Variants in OTOA observed in about 807,000 individuals in gnomAD.
OTOA encodes the protein otoancorin.
In OTOA, 70 loss-of-function variants were observed where a neutral mutation model predicts 110.8. The observed-to-expected ratio is 0.63, with a 90% CI of 0.52 to 0.77. The LOEUF is 0.77. Ranked by LOEUF, OTOA falls within the 30% of genes least tolerant of loss-of-function variation. The pLI is 0.00. For missense variants in OTOA, 917 were observed against 1,075.8 expected (o/e 0.85, Z 2.06); for synonymous variants, 373 against 431.5 (o/e 0.86, Z 1.68).
rs1392442114 is a variant in OTOA at position 21,760,492 on chromosome 16, T to C, written c.3372T>C (p.Leu1124=). 2.5e-6 allele frequency: 4 copies of C among 1,603,918 alleles called. No individual in the cohort carries two copies. Among genetic ancestry groups the C allele is most frequent in the Non-Finnish European group, 3.4e-6 (4 of 1,175,118 alleles). The stretch of plus-strand genomic sequence containing the variant: ...TAGGAGCTCTCCAGTCGTGGGGTCT[T>C]TGGCTTGGTTGTCCCCTGCTGGTTC... The part of the protein sequence containing the change: ...SPAGALQSWG[L]WLGCPLLVLM... The change falls in exon 29 of 29, where the codon CTT becomes CTC. Residue 1124 remains leucine, a synonymous_variant. Coordinates refer to ENST00000646100, the MANE Select transcript of OTOA (RefSeq NM_144672.4).
intron 9 of OTOA, among the ~76,000 whole-genome samples, chr16:21,693,133 G>A (rs530605910): frequency 2.6e-5 from 4 of 152,042 alleles, no homozygotes; most frequent in African/African-American, 7.2e-5. Context: ...GTGTGGTGGC[G>A]TGCGCCTGTG....
rs727503351 is a variant in OTOA, at chr16:21,722,978, C to G, written c.1880C>G (p.Pro627Arg). ...CCACCTTTCCTCTTGGCTGCACTCC[C>G]GTAAGTGAACATCAGCCCCCACCTT... ...SMPPFLLAALPARYLASVPAS... is the reference protein window; with the variant it reads ...SMPPFLLAALRARYLASVPAS... The change falls in exon 18 of 29, where the codon CCG becomes CGG. Residue 627 changes from proline (P) to arginine (R), a missense_variant and splice_region_variant. Pro to Arg is a moderately radical substitution (Grantham distance 103). Around this residue, in one of 6 missense-constraint regions of OTOA, gnomAD observed 840 missense variants for 910.2 expected, o/e 0.92. Coordinates refer to ENST00000646100, the MANE Select transcript of OTOA (RefSeq NM_144672.4). The G allele has an allele frequency of 3.1e-6, 5 of 1,613,910 alleles. No homozygotes were observed. The highest frequency in any genetic ancestry group is 4.2e-6 in the Non-Finnish European group (5 of 1,179,834).
chr16:21,759,048 T>C (rs1900084916), intron 28 of OTOA, among the ~76,000 whole-genome samples: 2 of 152,258 alleles, frequency 1.3e-5, no homozygotes, highest in East Asian at 1.9e-4. Context: ...AAATATGATA[T>C]GCATATATTT....
chr16:21,733,552 C>G (rs11861417), intron 21 of OTOA, among the ~76,000 whole-genome samples: 1 of 151,452 alleles, frequency 6.6e-6, no homozygotes, highest in Non-Finnish European at 1.5e-5. Context: ...GGCTTGCTCT[C>G]TGGGTGAGCC....
intron 10 of OTOA, among the ~76,000 whole-genome samples, chr16:21,699,161 G>C (rs1426355397): frequency 6.6e-6 from 1 of 152,020 alleles, no homozygotes; most frequent in Non-Finnish European, 1.5e-5. Context: ...ATGTTGGCCA[G>C]GCTGGTCTTG....
At chr16:21,700,374 AAAG>A in intron 10 of OTOA, among the ~76,000 whole-genome samples, 1 of 152,292 alleles carries the variant, frequency 6.6e-6, no homozygotes, top group African/African-American at 2.4e-5. Context: ...ATTCTTTCCT[AAAG>A]AATAGTTAGG....
At chr16:21,717,893 C>G (rs215902) in intron 15 of OTOA, among the ~76,000 whole-genome samples, 1 of 152,056 alleles carries the variant, frequency 6.6e-6, no homozygotes, top group African/African-American at 2.4e-5. Context: ...GATGATGTCC[C>G]GCTGATCTAT....
chr16:21,736,348 C>T lies in OTOA; in HGVS notation c.2389C>T (p.Arg797Trp), dbSNP rs755663127. 30 of 1,614,114 alleles carry T rather than the reference C, an allele frequency of 1.9e-5. No homozygotes were observed. Among genetic ancestry groups the T allele is most frequent in the African/African-American group, 1.2e-4 (9 of 75,026 alleles). The change falls in exon 22 of 29, where the codon CGG becomes TGG. Residue 797 changes from arginine (R) to tryptophan (W), a missense_variant. This residue lies in a region of OTOA where 57 missense variants were observed against 59.7 expected (regional missense o/e 0.96). Transcript: ENST00000646100. ...EFLWAVFQSVRNSSDKIPSYD... is the reference protein window; with the variant it reads ...EFLWAVFQSVWNSSDKIPSYD... ...CCTCTGGGCTGTCTTTCAGTCTGTT[C>T]GGAACAGCAGTGATAAGATCCCCAG...
chr16:21,695,939 G>A (rs1897931559), intron 9 of OTOA, among the ~76,000 whole-genome samples: 1 of 124,680 alleles, frequency 8.0e-6, no homozygotes, highest in Non-Finnish European at 1.6e-5. Flanking sequence ...CTGTCACTCA[G>A]GCTGGAGTGC....
intron 12 of OTOA, among the ~76,000 whole-genome samples, chr16:21,707,567 T>G (rs1253182051): frequency 1.2e-5 from 1 of 83,946 alleles, no homozygotes; most frequent in African/African-American, 4.6e-5. Context: ...CCTCCCTCCC[T>G]CCCTCCCTAC....
chr16:21,689,575 A>G (rs1897787399), intron 8 of OTOA, among the ~76,000 whole-genome samples: 2 of 152,196 alleles, frequency 1.3e-5, no homozygotes, highest in Admixed American at 1.3e-4. Context: ...TTTTAGGTGT[A>G]GGGCTGACTT....
chr16:21,708,573 A>C (rs1011815414), intron 12 of OTOA, among the ~76,000 whole-genome samples: 3 of 152,092 alleles, frequency 2.0e-5, no homozygotes, highest in Admixed American at 6.6e-5. Flanking sequence ...TGTGCTCCAC[A>C]CTTTGGGAGC....
At chr16:21,720,925 T>G (rs1898712516) in intron 17 of OTOA, among the ~76,000 whole-genome samples, 1 of 149,862 alleles carries the variant, frequency 6.7e-6, no homozygotes, top group Non-Finnish European at 1.5e-5. Context: ...ATTATTATCA[T>G]TATTATTATT....
intron 13 of OTOA, among the ~76,000 whole-genome samples, chr16:21,713,155 G>A (rs1330197283): frequency 6.6e-6 from 1 of 152,048 alleles, no homozygotes; most frequent in Admixed American, 6.6e-5. Flanking sequence ...TGTAGAGATG[G>A]GATTTTGCAA....
intron 6 of OTOA, among the ~76,000 whole-genome samples, chr16:21,683,863 G>C (rs1966944837): frequency 6.6e-6 from 1 of 151,544 alleles, no homozygotes; most frequent in South Asian, 2.1e-4. Flanking sequence ...CCTCCTCCCA[G>C]GTTCAAGCAA....
At chr16:21,716,346 C>G (rs900129844) in intron 14 of OTOA, among the ~76,000 whole-genome samples, 1 of 152,074 alleles carries the variant, frequency 6.6e-6, no homozygotes. Context: ...CCAAGGTGGG[C>G]GGATCATGAG....
intron 21 of OTOA, among the ~76,000 whole-genome samples, chr16:21,733,926 A>G (rs182735037): frequency 1.3e-5 from 2 of 152,266 alleles, no homozygotes; most frequent in African/African-American, 2.4e-5. Flanking sequence ...CAGCCTCCTG[A>G]GTAGCAGGGA....
intron 15 of OTOA, 106 bp from the exon 16 acceptor site, chr16:21,719,027 C>A: frequency 1.8e-6 from 2 of 1,117,252 alleles, no homozygotes; most frequent in Non-Finnish European, 2.7e-6. Flanking sequence ...GCCTCCATTT[C>A]CCCATCTGTA....
intron 12 of OTOA, 153 bp downstream of exon 12, chr16:21,705,445 G>A: frequency 1.7e-6 from 2 of 1,163,022 alleles, no homozygotes; most frequent in Non-Finnish European, 2.5e-6. Context: ...AAATACTGAG[G>A]TAAGTGTAAC....
Sources: allele counts gnomAD v4.1 joint callset (sites outside exome capture counted in the v4.1 genomes callset), GRCh38; gene constraint gnomAD v4.1.1; regional missense constraint gnomAD v4.1.1; transcripts MANE v1.5; gene names NCBI Gene and HGNC (gene_info 2026-07-23, HGNC 2026-07-21).